ARHGAP12: variants seen among roughly 807,000 people sequenced by gnomAD.
ARHGAP12 encodes the protein Rho GTPase activating protein 12.
ARHGAP12 carries 64 observed loss-of-function variants against 108.6 expected under a neutral mutation model. That is an observed-to-expected ratio of 0.59 (90% CI 0.48 to 0.73). ARHGAP12 has a LOEUF of 0.73. Ranked by LOEUF, ARHGAP12 falls within the 30% of genes least tolerant of loss-of-function variation. The pLI, the probability that ARHGAP12 is intolerant of heterozygous loss-of-function variation, is 0.00. For synonymous variants in ARHGAP12, 312 were observed against 337.2 expected, an observed-to-expected ratio of 0.93 and a Z score of 0.82; for missense variants, 940 against 1,005.9, an observed-to-expected ratio of 0.93 and a Z score of 0.89.
chr10:31,858,860 A>C (rs920741180), intron 4 of ARHGAP12, among the ~76,000 whole-genome samples: 1 of 152,148 alleles, frequency 6.6e-6, no homozygotes, highest in Non-Finnish European at 1.5e-5. Flanking sequence ...AATTACCTAC[A>C]CGGAAGAAAG....
chr10:31,851,753 C>T (rs770668420), intron 6 of ARHGAP12, among the ~76,000 whole-genome samples: 1 of 152,120 alleles, frequency 6.6e-6, no homozygotes, highest in Non-Finnish European at 1.5e-5. Context: ...TTTCTATATC[C>T]ATGTTTCATT....
In ARHGAP12 at chr10:31,876,546, CA is replaced by C. The variant is rs57573841; in HGVS notation, c.685-14889del. Among the ~76,000 whole-genome samples the C allele has an allele frequency of 2.5e-3, 348 of 136,566 alleles. 1 individual carries two copies. The highest frequency in any genetic ancestry group is 3.7e-3 in the Middle Eastern group (1 of 268). The allele number at this position is 136,566 out of a possible 152,430, so 89.6% of individuals were successfully genotyped here. On this transcript the variant is annotated intron_variant, in intron 3 of 19. Transcript: ENST00000344936. Reference sequence around the variant, plus strand: ...AACAAAAACAAAAACAAAAAACCACCAAAAAAAAAAAAAACCCACTAATACT... The same window carrying C: ...AACAAAAACAAAAACAAAAAACCACCAAAAAAAAAAAAACCCACTAATACT...
At chr10:31,843,797 C>G (rs1159678287) in intron 6 of ARHGAP12, among the ~76,000 whole-genome samples, 2 of 152,104 alleles carry the variant, frequency 1.3e-5, no homozygotes, top group African/African-American at 2.4e-5. Context: ...TTACACAGAC[C>G]AAGGTAGTGT....
chr10:31,817,190 T>G lies in ARHGAP12; in HGVS notation c.1731+598A>C, dbSNP rs144270314. Among the ~76,000 whole-genome samples, 40 of 152,032 alleles carry G rather than the reference T, an allele frequency of 2.6e-4. No homozygotes were observed. In the East Asian group the frequency reaches 6.8e-3, roughly 26 times the overall value. On this transcript the variant is annotated intron_variant, in intron 13 of 19. Transcript: ENST00000344936. ...TGTGCCACTGCTCCAGCCTGGGTGA[T>G]GGCGAGACTCTGTTTCAAAAAAAAA...
chr10:31,853,515 GGGA>G (rs1836775191), intron 5 of ARHGAP12, among the ~76,000 whole-genome samples: 1 of 152,178 alleles, frequency 6.6e-6, no homozygotes, highest in Non-Finnish European at 1.5e-5. Flanking sequence ...GCAGGAAAGA[GGGA>G]TAAAAGCCTA....
intron 1 of ARHGAP12, among the ~76,000 whole-genome samples, chr10:31,927,997 G>A (rs768150424): frequency 6.6e-6 from 1 of 152,210 alleles, no homozygotes; most frequent in Non-Finnish European, 1.5e-5. Flanking sequence ...ATCCAGCAGG[G>A]GCAGGGCACC....
chr10:31,851,655 T>TG (rs1337603866), intron 6 of ARHGAP12, among the ~76,000 whole-genome samples: 2 of 152,206 alleles, frequency 1.3e-5, no homozygotes, highest in Non-Finnish European at 2.9e-5. Context: ...CCAGATAGCA[T>TG]TCACATAAAG....
intron 1 of ARHGAP12, among the ~76,000 whole-genome samples, chr10:31,915,102 T>A (rs1254114345): frequency 6.6e-6 from 1 of 151,824 alleles, no homozygotes; most frequent in African/African-American, 2.4e-5. Context: ...TCTTAGAAGC[T>A]GAGGCCAGGC....
chr10:31,849,211 C>T (rs1836579452), intron 6 of ARHGAP12, among the ~76,000 whole-genome samples: 1 of 152,052 alleles, frequency 6.6e-6, no homozygotes, highest in Admixed American at 6.6e-5. Flanking sequence ...TTTGTTTTCT[C>T]TCTCTCCATT....
chr10:31,902,892 TGA>T (rs1232301494), intron 3 of ARHGAP12, among the ~76,000 whole-genome samples: 1 of 152,174 alleles, frequency 6.6e-6, no homozygotes, highest in Non-Finnish European at 1.5e-5. Context: ...AAATGTGGAC[TGA>T]GAGTAAAGCA....
At chr10:31,817,737 A>G in intron 13 of ARHGAP12, 51 bp downstream of exon 13, 2 of 1,306,706 alleles carry the variant, frequency 1.5e-6, no homozygotes, top group Non-Finnish European at 2.1e-6. Context: ...ATTAAAAAAA[A>G]AAAAGAAAAA....
Position 31,914,617 on chromosome 10 carries a change from T to C in ARHGAP12, c.-110-4054A>G, listed in dbSNP as rs545076258. On this transcript the variant is annotated intron_variant, in intron 1 of 19. Transcript: ENST00000344936. ...AGAAAGCACCTCACCCCAGTTAGAA[T>C]GGCTATTATCAAAAAGGCAAAATAT... Among the ~76,000 whole-genome samples the C allele has an allele frequency of 9.8e-5, 15 of 152,294 alleles. No homozygotes were observed. The East Asian group carries it at 2.7e-3, about 27-fold the overall frequency.
intron 4 of ARHGAP12, among the ~76,000 whole-genome samples, chr10:31,860,989 A>T (rs1837092065): frequency 6.6e-6 from 1 of 152,222 alleles, no homozygotes; most frequent in African/African-American, 2.4e-5. Flanking sequence ...CAAGAGTTTG[A>T]GGCTACAGTG....
intron 4 of ARHGAP12, among the ~76,000 whole-genome samples, chr10:31,858,609 T>C (rs1224557399): frequency 2.6e-5 from 4 of 152,152 alleles, no homozygotes; most frequent in Non-Finnish European, 4.4e-5. Context: ...CGTCTCCCAT[T>C]GTGACAACCA....
Position 31,807,547 on chromosome 10 carries a change from G to T in ARHGAP12, c.*111C>A. ...TCCCTTCTGATCCCTCAAAAAAAAAGTGCAAAATCAAAGAGTCACTGCTTG... is the reference window on the plus strand; with the variant it reads ...TCCCTTCTGATCCCTCAAAAAAAAATTGCAAAATCAAAGAGTCACTGCTTG... On this transcript the variant is annotated 3_prime_UTR_variant, in exon 20 of 20. Coordinates refer to ENST00000344936, the MANE Select transcript of ARHGAP12 (RefSeq NM_018287.7). 1 of 1,069,124 alleles carries T rather than the reference G, an allele frequency of 9.4e-7. No homozygotes were observed. The highest frequency in any genetic ancestry group is 1.3e-6 in the Non-Finnish European group (1 of 772,730). 66.2% of individuals were successfully genotyped at this position (1,069,124 alleles called of 1,614,324 possible).
intron 12 of ARHGAP12, among the ~76,000 whole-genome samples, chr10:31,819,555 T>A (rs895677477): frequency 6.6e-6 from 1 of 152,312 alleles, no homozygotes; most frequent in Non-Finnish European, 1.5e-5. Context: ...CTGAAAGTAA[T>A]GTGTGACTTC....
intron 3 of ARHGAP12, among the ~76,000 whole-genome samples, chr10:31,895,652 T>C (rs1321978722): frequency 6.6e-6 from 1 of 152,202 alleles, no homozygotes; most frequent in Non-Finnish European, 1.5e-5. Context: ...GACTGTAAAC[T>C]AGTTCAACCA....
chr10:31,871,072 A>G (rs756017747), intron 3 of ARHGAP12, among the ~76,000 whole-genome samples: 7 of 152,182 alleles, frequency 4.6e-5, no homozygotes, highest in Non-Finnish European at 8.8e-5. Flanking sequence ...AAAACTCAGC[A>G]CTAAACAGGG....
At chr10:31,836,683 G>A (rs1440884653) in intron 9 of ARHGAP12, among the ~76,000 whole-genome samples, 3 of 151,980 alleles carry the variant, frequency 2.0e-5, no homozygotes, top group East Asian at 3.8e-4. Flanking sequence ...ATTTTAACTC[G>A]CAAAGAAAGA....
Sources: allele counts gnomAD v4.1 joint callset (sites outside exome capture counted in the v4.1 genomes callset), GRCh38; gene constraint gnomAD v4.1.1; transcripts MANE v1.5; gene names NCBI Gene and HGNC (gene_info 2026-07-23, HGNC 2026-07-21).